Variants in ARMC8 observed in about 807,000 individuals in gnomAD.
ARMC8 encodes armadillo repeat-containing protein 8.
In ARMC8, 20 loss-of-function variants were observed where a neutral mutation model predicts 99.3. The observed-to-expected ratio is 0.20, with a 90% CI of 0.14 to 0.29. ARMC8 has a LOEUF of 0.29. Among genes scored for constraint, ARMC8 ranks in the 10% least tolerant of loss-of-function variants. The pLI, the probability that ARMC8 is intolerant of heterozygous loss-of-function variation, is 1.00. For synonymous variants in ARMC8, 263 were observed against 278.3 expected (o/e 0.95, Z 0.55); for missense variants, 569 against 809.5 (o/e 0.70, Z 3.60).
At chr3:138,271,798 C>CTTTCTTTTTTTTTTTTTTTT (rs1018824241) in intron 16 of ARMC8, among the ~76,000 whole-genome samples, 57 of 136,120 alleles carry the variant, frequency 4.2e-4, no homozygotes, top group African/African-American at 1.4e-3. Context: ...TTTTTTCTTT[C>CTTTCTTTTTTTTTTTTTTTT]TTTTTTTTTT....
chr3:138,252,738 G>GCCC (rs1348787471), intron 12 of ARMC8, among the ~76,000 whole-genome samples: 22 of 3,472 alleles, frequency 6.3e-3, no homozygotes, highest in Non-Finnish European at 0.012. Context: ...ACAGGCGTGA[G>GCCC]CCACCCCGCC....
intron 1 of ARMC8, among the ~76,000 whole-genome samples, chr3:138,194,643 T>C (rs2043606135): frequency 6.6e-6 from 1 of 151,894 alleles, no homozygotes; most frequent in Non-Finnish European, 1.5e-5. Flanking sequence ...CAGCTGTCAT[T>C]ATTTTTTTTT....
chr3:138,245,437 AATT>A (rs1327116039), intron 12 of ARMC8: 1 of 1,372,704 alleles, frequency 7.3e-7, no homozygotes, highest in Non-Finnish European at 9.4e-7. Context: ...CATTAATATG[AATT>A]ATTATGTTGC....
At chr3:138,217,130 ACT>A (rs1435305599) in intron 2 of ARMC8, among the ~76,000 whole-genome samples, 1 of 152,126 alleles carries the variant, frequency 6.6e-6, no homozygotes, top group Non-Finnish European at 1.5e-5. Flanking sequence ...GTGTAAGTAC[ACT>A]CTATGATGTT....
At position 138,223,711 on chromosome 3, in the gene ARMC8, C is replaced by A. The variant is rs1306480768; in HGVS notation, c.413C>A (p.Thr138Asn). 1 of 1,614,096 alleles carries A rather than the reference C, an allele frequency of 6.2e-7. No individual in the cohort carries two copies. The highest frequency in any genetic ancestry group is 2.2e-5 in the East Asian group (1 of 44,884). The change falls in exon 5 of 22, where the codon ACT becomes AAT. Residue 138 changes from threonine to asparagine, a missense_variant. This residue lies in a region of ARMC8 where 342 missense variants were observed against 391.6 expected (regional missense o/e 0.87). Transcript: ENST00000469044. Reference protein sequence around the residue: ...CLRTIFTSPVTPEELLYTDAT... With the variant: ...CLRTIFTSPVNPEELLYTDAT... ...CGTACCATCTTCACCAGTCCTGTCA[C>A]TCCAGAGGAGCTACTGTATACAGTG...
chr3:138,189,775 A>G (rs1388583064), intron 1 of ARMC8, among the ~76,000 whole-genome samples: 1 of 152,222 alleles, frequency 6.6e-6, no homozygotes, highest in African/African-American at 2.4e-5. Flanking sequence ...ACACATCTGC[A>G]TTGCCAACCT....
intron 1 of ARMC8, among the ~76,000 whole-genome samples, chr3:138,205,341 G>A (rs895440091): frequency 1.3e-5 from 2 of 151,846 alleles, no homozygotes; most frequent in African/African-American, 2.4e-5. Context: ...GAGCCACCAC[G>A]CCCGGCGGCA....
At chr3:138,209,977 C>A (rs1486442526) in intron 2 of ARMC8, 84 bp downstream of exon 2, 3 of 1,011,190 alleles carry the variant, frequency 3.0e-6, no homozygotes, top group Non-Finnish European at 4.5e-6. Context: ...TTTGAAAATA[C>A]AGGGTTATAC....
intron 19 of ARMC8, among the ~76,000 whole-genome samples, chr3:138,285,998 G>A (rs533985949): frequency 3.0e-4 from 46 of 152,244 alleles, no homozygotes; most frequent in Middle Eastern, 3.4e-3. Context: ...AGACTAGAGT[G>A]CAGTGACGCG....
chr3:138,192,358 A>C (rs1057246931), intron 1 of ARMC8, among the ~76,000 whole-genome samples: 6 of 150,122 alleles, frequency 4.0e-5, no homozygotes, highest in Admixed American at 2.0e-4. Flanking sequence ...GCTCACTGCA[A>C]GCTCCGCCTC....
chr3:138,187,391 CT>C lies in ARMC8; in HGVS notation c.-161del. 1 of 643,470 alleles carries C rather than the reference CT, an allele frequency of 1.6e-6. No individual in the cohort carries two copies. The highest frequency in any genetic ancestry group is 1.9e-5 in the South Asian group (1 of 52,958). 39.9% of individuals were successfully genotyped at this position (643,470 alleles called of 1,614,324 possible). On this transcript the variant is annotated 5_prime_UTR_variant, in exon 1 of 22. Coordinates refer to ENST00000469044, the MANE Select transcript of ARMC8 (RefSeq NM_001363941.2). ...CCTGACGCCATTCCCTTTTGCCCTT[CT>C]TTCTGCGGGCCTTTCCGGTACTTGA...
At chr3:138,250,779 A>G (rs780257029) in intron 12 of ARMC8, among the ~76,000 whole-genome samples, 1 of 152,116 alleles carries the variant, frequency 6.6e-6, no homozygotes, top group Non-Finnish European at 1.5e-5. Context: ...TTTTTTCTGT[A>G]TTTTCAATGC....
At chr3:138,221,644 G>A (rs370297867) in intron 2 of ARMC8, among the ~76,000 whole-genome samples, 1 of 151,958 alleles carries the variant, frequency 6.6e-6, no homozygotes, top group Admixed American at 6.6e-5. Context: ...GTATTCCTTT[G>A]TATCCAAAGT....
chr3:138,220,408 G>C (rs1487486660), intron 2 of ARMC8, among the ~76,000 whole-genome samples: 1 of 152,098 alleles, frequency 6.6e-6, no homozygotes, highest in African/African-American at 2.4e-5. Context: ...CTTTACAGAG[G>C]GATAGGTCAG....
chr3:138,241,069 T>A (rs1476471106), intron 10 of ARMC8, among the ~76,000 whole-genome samples: 1 of 152,042 alleles, frequency 6.6e-6, no homozygotes, highest in African/African-American at 2.4e-5. Context: ...GAAAAAGAAA[T>A]AGTAAATGTC....
intron 18 of ARMC8, among the ~76,000 whole-genome samples, chr3:138,284,021 C>G (rs1344456988): frequency 6.6e-6 from 1 of 152,170 alleles, no homozygotes; most frequent in Non-Finnish European, 1.5e-5. Context: ...AGGGGAGTTG[C>G]AACACCTACA....
chr3:138,237,625 A>G (rs1337718747), intron 9 of ARMC8, 53 bp downstream of exon 9: 2 of 1,484,164 alleles, frequency 1.3e-6, no homozygotes, highest in Non-Finnish European at 9.2e-7. Flanking sequence ...AATATCTTAG[A>G]GTATTTTTGG....
At chr3:138,281,921 A>G (rs2049970429) in intron 18 of ARMC8, among the ~76,000 whole-genome samples, 2 of 152,188 alleles carry the variant, frequency 1.3e-5, no homozygotes, top group Non-Finnish European at 2.9e-5. Flanking sequence ...TCTTATTCAT[A>G]ATAAGGATCA....
intron 1 of ARMC8, among the ~76,000 whole-genome samples, chr3:138,188,716 A>G (rs930559809): frequency 6.6e-6 from 1 of 152,210 alleles, no homozygotes; most frequent in African/African-American, 2.4e-5. Flanking sequence ...TTGTCCCACA[A>G]ACAAACTCAC....
Sources: gnomAD v4.1 joint callset for allele counts (sites outside exome capture counted in the v4.1 genomes callset) on GRCh38, gnomAD v4.1.1 for gene constraint, gnomAD v4.1.1 regional missense constraint, MANE v1.5 for transcripts, NCBI Gene and HGNC (gene_info 2026-07-23, HGNC 2026-07-21) for gene names.